The following KAT6A variants were observed in gnomAD, a reference collection of about 807,000 sequenced individuals.
The protein encoded by KAT6A is histone acetyltransferase KAT6A.
KAT6A carries 9 observed loss-of-function variants against 198.4 expected under a neutral mutation model. The ratio of observed to expected loss-of-function variants is 0.05; its 90% CI spans 0.03 to 0.08. The LOEUF is 0.08. KAT6A is among the 10% of genes least tolerant of loss of function. KAT6A has a pLI of 1.00. For synonymous variants in KAT6A, 890 were observed against 883.0 expected, an observed-to-expected ratio of 1.01 and a Z score of -0.14; for missense variants, 2,077 against 2,509.9, an observed-to-expected ratio of 0.83 and a Z score of 3.69.
rs2929896 is a variant in KAT6A, at chr8:41,940,684, G to T, written c.3039+158C>A. ...CACACACACATCTCAAATGTTCACT[G>T]GGAAGATCTTGAGCTACAATATACA... On this transcript the variant is annotated intron_variant, in intron 15 of 16. Coordinates refer to ENST00000265713, the MANE Select transcript of KAT6A (RefSeq NM_006766.5). Among the ~76,000 whole-genome samples the T allele has an allele frequency of 0.28, 42,294 of 152,014 alleles. 6,137 individuals are homozygous for T. The highest frequency in any genetic ancestry group is 0.44 in the Middle Eastern group (129 of 292).
At chr8:41,969,489 A>G (rs1413747039) in intron 8 of KAT6A, among the ~76,000 whole-genome samples, 2 of 152,048 alleles carry the variant, frequency 1.3e-5, no homozygotes, top group Admixed American at 6.6e-5. Context: ...ACTCCAAAAT[A>G]TATCTAAATC....
chr8:41,976,697 T>C (rs138263675), intron 7 of KAT6A, among the ~76,000 whole-genome samples: 2 of 152,320 alleles, frequency 1.3e-5, no homozygotes, highest in Admixed American at 6.5e-5. Context: ...CTTTAGTAAT[T>C]TGTGAAATGT....
rs538979445 is a variant in KAT6A, at chr8:42,040,381, G to A, written c.600+7997C>T. On this transcript the variant is annotated intron_variant, in intron 2 of 16. Coordinates refer to ENST00000265713, the MANE Select transcript of KAT6A (RefSeq NM_006766.5). ...TTCCCTTTATTTCACCAATTGGAAG[G>A]TAGACCAAGAAAGAGTAAAGTACTT... is the stretch of plus-strand genomic sequence containing the variant. 3.7e-4 allele frequency among the ~76,000 whole-genome samples: 57 copies of A among 152,172 alleles called. 1 individual carries two copies. The South Asian group carries it at 0.012, about 32-fold the overall frequency.
At chr8:41,967,408 C>A in intron 8 of KAT6A, among the ~76,000 whole-genome samples, 1 of 151,054 alleles carries the variant, frequency 6.6e-6, no homozygotes, top group South Asian at 2.1e-4. Context: ...AACTCGTCAT[C>A]TAGCATTAGG....
chr8:41,978,819 A>C, intron 5 of KAT6A, 42 bp from the exon 6 acceptor site: 1 of 1,570,138 alleles, frequency 6.4e-7, no homozygotes, highest in Non-Finnish European at 8.7e-7. Flanking sequence ...TGACAGACAT[A>C]AATACACTGA....
At chr8:42,042,503 A>T (rs1587861918) in intron 2 of KAT6A, among the ~76,000 whole-genome samples, 1 of 152,126 alleles carries the variant, frequency 6.6e-6, no homozygotes, top group African/African-American at 2.4e-5. Context: ...TTTAAATTCT[A>T]AATTCCTGTC....
At chr8:42,034,746 C>G (rs549457262) in intron 2 of KAT6A, among the ~76,000 whole-genome samples, 19 of 152,302 alleles carry the variant, frequency 1.2e-4, no homozygotes, top group Non-Finnish European at 2.4e-4. Flanking sequence ...CTGGCTATCA[C>G]AGAGGGCAGT....
intron 2 of KAT6A, among the ~76,000 whole-genome samples, chr8:41,991,478 G>A (rs1824943886): frequency 6.6e-6 from 1 of 152,190 alleles, no homozygotes; most frequent in African/African-American, 2.4e-5. Context: ...AAACAGTAGT[G>A]AATTGTAAAC....
intron 11 of KAT6A, among the ~76,000 whole-genome samples, chr8:41,947,211 T>C (rs1417250359): frequency 2.0e-5 from 3 of 152,222 alleles, no homozygotes; most frequent in Non-Finnish European, 4.4e-5. Flanking sequence ...AGAATTCTTA[T>C]AAATGCTTAT....
intron 8 of KAT6A, among the ~76,000 whole-genome samples, chr8:41,956,404 C>G (rs1209027697): frequency 1.3e-5 from 2 of 152,176 alleles, no homozygotes; most frequent in Non-Finnish European, 2.9e-5. Flanking sequence ...AAAAGGATAA[C>G]TGAAATTATC....
At chr8:41,959,034 C>A (rs1361556020) in intron 8 of KAT6A, among the ~76,000 whole-genome samples, 1 of 151,862 alleles carries the variant, frequency 6.6e-6, no homozygotes, top group Non-Finnish European at 1.5e-5. Context: ...TGGTGGCGGG[C>A]ACCTGTAGTC....
In KAT6A at chr8:42,048,422, A is replaced by C. The variant is rs746641484; in HGVS notation, c.556T>G (p.Ser186Ala). Reference protein sequence around the residue: ...VDGKESCESLSCLPPVSLLPH... With the variant: ...VDGKESCESLACLPPVSLLPH... The stretch of plus-strand genomic sequence containing the variant: ...AGAAGGGACACTGGAGGTAAACAGG[A>C]AAGAGACTCACAACTCTCTTTCCCA... Residue 186 changes from serine to alanine, a missense_variant, in exon 2 of 17, where the codon TCC (serine) becomes GCC (alanine). Physicochemically the swap from Ser to Ala is moderately conservative, Grantham distance 99. Coordinates refer to ENST00000265713, the MANE Select transcript of KAT6A (RefSeq NM_006766.5). The C allele has an allele frequency of 6.2e-7, 1 of 1,614,026 alleles. No individual in the cohort carries two copies.
At chr8:41,986,589 A>T (rs1564043826) in intron 3 of KAT6A, among the ~76,000 whole-genome samples, 1 of 150,210 alleles carries the variant, frequency 6.7e-6, no homozygotes, top group African/African-American at 2.5e-5. Context: ...TTATATATAT[A>T]AAAAAAAACT....
Position 41,974,726 on chromosome 8 carries a change from T to C in KAT6A, c.1460A>G (p.Asp487Gly), listed in dbSNP as rs762956719. The C allele has an allele frequency of 1.2e-6, 2 of 1,608,956 alleles. No homozygotes were observed. The highest frequency in any genetic ancestry group is 8.5e-7 in the Non-Finnish European group (1 of 1,177,024). ...TACCTGCAGTGCTTGTTCTTGGATA[T>C]CACGAAATAATTCCATATCTTTCTC... ...MTEKDMELFR[D>G]IQEQALQKVG... The change falls in exon 8 of 17, where the codon GAT (aspartate) becomes GGT (glycine). Residue 487 changes from aspartate (D) to glycine (G), a missense_variant. Around this residue, in one of 13 missense-constraint regions of KAT6A, gnomAD observed 206 missense variants for 214.9 expected, o/e 0.96. Coordinates refer to ENST00000265713, the MANE Select transcript of KAT6A (RefSeq NM_006766.5).
intron 8 of KAT6A, among the ~76,000 whole-genome samples, chr8:41,970,773 G>T (rs1019827344): frequency 6.6e-6 from 1 of 152,186 alleles, no homozygotes; most frequent in African/African-American, 2.4e-5. Context: ...ACATGCACAT[G>T]TATGTTTATT....
At chr8:41,941,971 A>G (rs963957650) in intron 14 of KAT6A, 1 of 177,362 alleles carries the variant, frequency 5.6e-6, no homozygotes, top group African/African-American at 2.4e-5. Context: ...ATATGAAAGA[A>G]AGTTTATGTA....
intron 2 of KAT6A, among the ~76,000 whole-genome samples, chr8:42,045,719 T>C (rs1297768786): frequency 6.6e-6 from 1 of 151,496 alleles, no homozygotes; most frequent in Non-Finnish European, 1.5e-5. Flanking sequence ...ATTCCTATAA[T>C]CTTGGCACTT....
At chr8:41,974,535 T>G (rs1418556896) in intron 8 of KAT6A, 169 bp downstream of exon 8, 1 of 450,014 alleles carries the variant, frequency 2.2e-6, no homozygotes, top group Non-Finnish European at 4.0e-6. Context: ...GCAGTTATCA[T>G]GGGTTTGAAA....
rs1822093563 is a variant in KAT6A, at chr8:41,940,978, C to T, written c.2903G>A (p.Arg968Lys). Residue 968 changes from arginine (R) to lysine (K), a missense_variant, in exon 15 of 17, where the codon AGG (arginine) becomes AAG (lysine). Transcript: ENST00000265713. ...LKCRLTEGSE[R>K]LPRRYSEGDR... ...ACCCTCACTGTAGCGACGGGGCAGC[C>T]TCTCACTTCCTTCTGTTAATCTGCA... The T allele has an allele frequency of 6.2e-7, 1 of 1,614,110 alleles. No individual in the cohort carries two copies. Among genetic ancestry groups the T allele is most frequent in the African/African-American group, 1.3e-5 (1 of 75,030 alleles).
Sources: allele counts gnomAD v4.1 joint callset (sites outside exome capture counted in the v4.1 genomes callset), GRCh38; gene constraint gnomAD v4.1.1; regional missense constraint gnomAD v4.1.1; transcripts MANE v1.5; gene names NCBI Gene and HGNC (gene_info 2026-07-23, HGNC 2026-07-21).